The following NPAS3 variants were observed in gnomAD, a reference collection of about 807,000 sequenced individuals.
NPAS3 encodes the protein neuronal PAS domain-containing protein 3.
NPAS3 carries 14 observed loss-of-function variants against 73.1 expected under a neutral mutation model. The observed-to-expected ratio is 0.19, with a 90% confidence interval of 0.13 to 0.30. NPAS3 has a LOEUF of 0.30. NPAS3 is among the 10% of genes least tolerant of loss of function. NPAS3 has a pLI of 1.00. For synonymous variants in NPAS3, 620 were observed against 541.5 expected (o/e 1.14, Z -2.01); for missense variants, 1,096 against 1,250.0 (o/e 0.88, Z 1.86).
At chr14:33,418,764 T>A (rs1453102246) in intron 4 of NPAS3, among the ~76,000 whole-genome samples, 1 of 152,012 alleles carries the variant, frequency 6.6e-6, no homozygotes, top group Non-Finnish European at 1.5e-5. Context: ...ATCATTGATC[T>A]TCCATGCAGG....
At chr14:32,986,940 C>T (rs980578560) in intron 1 of NPAS3, among the ~76,000 whole-genome samples, 3 of 152,148 alleles carry the variant, frequency 2.0e-5, no homozygotes, top group African/African-American at 7.2e-5. Flanking sequence ...TGGCGCTGCC[C>T]CGCGGTGCTG....
intron 2 of NPAS3, among the ~76,000 whole-genome samples, chr14:33,113,560 A>G (rs1379620078): frequency 6.6e-6 from 1 of 151,952 alleles, no homozygotes; most frequent in African/African-American, 2.4e-5. Flanking sequence ...GCTTAAGGAG[A>G]TTTTGGGCTG....
chr14:33,714,060 T>C (rs2060893691), intron 6 of NPAS3, among the ~76,000 whole-genome samples: 1 of 152,092 alleles, frequency 6.6e-6, no homozygotes, highest in Non-Finnish European at 1.5e-5. Flanking sequence ...CAGTGAGGTC[T>C]TCTCTGGCCA....
rs185165510 is a variant in NPAS3 at position 33,329,162 on chromosome 14, G to A, written c.386-38024G>A. On this transcript the variant is annotated intron_variant, in intron 3 of 11. Coordinates refer to ENST00000356141, the Ensembl canonical transcript of NPAS3. ...TGGACATCCATTCGCAGAGCAGATA[G>A]TTGTTGAGCATATGCTGCATGGCAA... is the stretch of plus-strand genomic sequence containing the variant. Among the ~76,000 whole-genome samples, 743 of 152,286 alleles carry A rather than the reference G, an allele frequency of 4.9e-3. 6 individuals carry two copies. Among genetic ancestry groups the A allele is most frequent in the African/African-American group, 0.017 (709 of 41,552 alleles).
At chr14:33,399,360 C>A (rs1239013059) in intron 4 of NPAS3, among the ~76,000 whole-genome samples, 1 of 151,910 alleles carries the variant, frequency 6.6e-6, no homozygotes, top group Non-Finnish European at 1.5e-5. Context: ...CTTGCCTCTT[C>A]CGGTAGAACA....
chr14:33,128,921 C>T (rs1012791626), intron 2 of NPAS3, among the ~76,000 whole-genome samples: 1 of 152,078 alleles, frequency 6.6e-6, no homozygotes, highest in African/African-American at 2.4e-5. Context: ...AATGGTTAGC[C>T]ATCATCCTCC....
chr14:33,178,071 TTTTTTTTG>T (rs1238586675), intron 2 of NPAS3, among the ~76,000 whole-genome samples: 1 of 66,708 alleles, frequency 1.5e-5, no homozygotes, highest in Non-Finnish European at 3.0e-5. Context: ...TTGAAGTGAA[TTTTTTTTG>T]TTTTTTTTTT....
At chr14:33,445,885 T>TCAG (rs1175982882) in intron 4 of NPAS3, among the ~76,000 whole-genome samples, 1 of 151,350 alleles carries the variant, frequency 6.6e-6, no homozygotes, top group Non-Finnish European at 1.5e-5. Context: ...CACAGGGACC[T>TCAG]CCCTGGGCTG....
At chr14:33,215,356 C>T (rs1436042128) in exon 3 of NPAS3, 12 of 1,609,188 alleles carry the variant, frequency 7.5e-6, no homozygotes, top group Non-Finnish European at 1.0e-5. Context: ...AAATGAGGGA[C>T]TTTGCTAACC....
chr14:33,769,756 CTTTTTT>C (rs916953785), intron 7 of NPAS3, among the ~76,000 whole-genome samples: 265 of 81,856 alleles, frequency 3.2e-3, no homozygotes, highest in African/African-American at 0.012. Flanking sequence ...TTTTTTTTTT[CTTTTTT>C]TTTTTTTTTT....
chr14:33,419,197 G>A (rs1363814069), intron 4 of NPAS3, among the ~76,000 whole-genome samples: 1 of 151,916 alleles, frequency 6.6e-6, no homozygotes, highest in Non-Finnish European at 1.5e-5. Flanking sequence ...CATCTAGGCT[G>A]AAGGTAGACT....
chr14:33,096,709 G>A (rs571829823), intron 2 of NPAS3, among the ~76,000 whole-genome samples: 1 of 152,152 alleles, frequency 6.6e-6, no homozygotes, highest in Non-Finnish European at 1.5e-5. Context: ...GTTAAAATAA[G>A]CAGTTTCTGA....
intron 2 of NPAS3, among the ~76,000 whole-genome samples, chr14:33,062,825 A>T (rs2138587630): frequency 6.6e-6 from 1 of 152,332 alleles, no homozygotes; most frequent in African/African-American, 2.4e-5. Flanking sequence ...ACTACAGCAA[A>T]CTTAAACTGT....
At chr14:33,039,458 G>A (rs140430645) in intron 1 of NPAS3, among the ~76,000 whole-genome samples, 12 of 152,224 alleles carry the variant, frequency 7.9e-5, no homozygotes, top group African/African-American at 2.9e-4. Context: ...CCCCCTCTTG[G>A]ACTGGAATGA....
intron 4 of NPAS3, among the ~76,000 whole-genome samples, chr14:33,495,660 T>A (rs1192240491): frequency 1.3e-5 from 2 of 152,118 alleles, no homozygotes; most frequent in African/African-American, 4.8e-5. Flanking sequence ...GGTACTACTG[T>A]GTTAGGTGCA....
chr14:33,601,656 C>T (rs1047453566), intron 5 of NPAS3, among the ~76,000 whole-genome samples: 2 of 152,162 alleles, frequency 1.3e-5, no homozygotes, highest in African/African-American at 4.8e-5. Context: ...GGAACTAAAC[C>T]AAAGGCATCT....
At chr14:33,095,784 T>C (rs534003805) in intron 2 of NPAS3, among the ~76,000 whole-genome samples, 2 of 150,028 alleles carry the variant, frequency 1.3e-5, no homozygotes, top group East Asian at 4.0e-4. Context: ...TTCTCCTGCC[T>C]CAGCCTCTGG....
At chr14:33,444,789 C>A (rs574286043) in intron 4 of NPAS3, among the ~76,000 whole-genome samples, 3 of 152,362 alleles carry the variant, frequency 2.0e-5, no homozygotes, top group African/African-American at 7.2e-5. Flanking sequence ...TCACATTCCC[C>A]TTTTTCCTTC....
At position 33,692,685 on chromosome 14, in the gene NPAS3, A is replaced by T. The variant is rs534169671; in HGVS notation, c.733+16300A>T. Among the ~76,000 whole-genome samples the T allele has an allele frequency of 9.9e-5, 15 of 152,234 alleles. No individual in the cohort carries two copies. In the South Asian group the frequency reaches 3.1e-3, roughly 32 times the overall value. On this transcript the variant is annotated intron_variant, in intron 6 of 11. Coordinates refer to ENST00000356141, the Ensembl canonical transcript of NPAS3. Reference sequence around the variant, plus strand: ...TATATGAAATCAGGAAAGTTGCAGGATTGCAGAGCCTCTAGGAGACTAAGC... The same window carrying T: ...TATATGAAATCAGGAAAGTTGCAGGTTTGCAGAGCCTCTAGGAGACTAAGC...
Sources: allele counts gnomAD v4.1 joint callset (sites outside exome capture counted in the v4.1 genomes callset), GRCh38; gene constraint gnomAD v4.1.1; transcripts MANE v1.5; gene names NCBI Gene and HGNC (gene_info 2026-07-23, HGNC 2026-07-21).